The following EFCAB8 variants were observed in gnomAD, a reference collection of about 807,000 sequenced individuals.
EFCAB8 encodes EF-hand calcium-binding domain-containing protein 8.
Under a neutral mutation model 116.3 loss-of-function variants are expected in EFCAB8, and 100 were observed. That is an observed-to-expected ratio of 0.86 (90% CI 0.73 to 1.02). The LOEUF is 1.02. EFCAB8 is among the 50% of genes least tolerant of loss of function. The probability of loss-of-function intolerance (pLI) is 0.00; values close to 1 mark genes in which losing one functional copy is unlikely to be tolerated. For synonymous variants in EFCAB8, 558 were observed against 567.9 expected, an observed-to-expected ratio of 0.98 and a Z score of 0.25; for missense variants, 1,320 against 1,416.9, an observed-to-expected ratio of 0.93 and a Z score of 1.10.
chr20:32,868,619 G>A (rs1568897543), intron 3 of EFCAB8, among the ~76,000 whole-genome samples: 1 of 152,204 alleles, frequency 6.6e-6, no homozygotes, highest in Non-Finnish European at 1.5e-5. Flanking sequence ...TCACCTCACA[G>A]TTCTGGTGGG....
chr20:32,937,846 C>T (rs968870879), intron 22 of EFCAB8, among the ~76,000 whole-genome samples: 4 of 149,298 alleles, frequency 2.7e-5, no homozygotes, highest in Non-Finnish European at 5.9e-5. Flanking sequence ...CTCGAACTCC[C>T]AACCTCGTGA....
At chr20:32,868,362 C>G (rs557389964) in intron 3 of EFCAB8, among the ~76,000 whole-genome samples, 87 of 152,320 alleles carry the variant, frequency 5.7e-4, no homozygotes, top group African/African-American at 2.0e-3. Flanking sequence ...TGTGCCCAAC[C>G]CTGATCAGCA....
intron 20 of EFCAB8, among the ~76,000 whole-genome samples, chr20:32,926,523 A>G (rs1454592647): frequency 1.1e-5 from 1 of 90,246 alleles, no homozygotes; most frequent in Non-Finnish European, 2.3e-5. Flanking sequence ...TTTTTTTTTT[A>G]TTATACTTTA....
rs1039663049 is a variant in EFCAB8, at chr20:32,864,096, C to T, written c.42+262C>T. ...GGTTCAAGCAATTCTCTTGCCTCAG[C>T]CTCCTGAGTAGCTAGGATTACAGGC... On this transcript the variant is annotated intron_variant, in intron 2 of 26. Coordinates refer to ENST00000400522, the MANE Select transcript of EFCAB8 (RefSeq NM_001143967.2). Among the ~76,000 whole-genome samples the T allele has an allele frequency of 5.9e-5, 9 of 152,094 alleles. No individual in the cohort carries two copies. The East Asian group carries it at 1.8e-3, about 30-fold the overall frequency.
intron 24 of EFCAB8, 29 bp from the exon 25 acceptor site, chr20:32,959,749 C>A (rs1459874831): frequency 2.8e-6 from 4 of 1,436,006 alleles, no homozygotes; most frequent in Non-Finnish European, 3.7e-6. Flanking sequence ...AGTGGGGGGA[C>A]ATCTTGTGAA....
At position 32,860,493 on chromosome 20, in the gene EFCAB8, C is replaced by CTTTTTT. The variant is rs71190881; in HGVS notation, c.-11+1513_-11+1518dup. On this transcript the variant is annotated intron_variant, in intron 1 of 26. Transcript: ENST00000400522. ...TTTGTTCCATCGCTGATGGTGGTAA[C>CTTTTTT]TTTTTTTTTTTTTTTTTTTTTTTTT... Among the ~76,000 whole-genome samples, 131 of 83,984 alleles carry CTTTTTT rather than the reference C, an allele frequency of 1.6e-3. 16 individuals carry two copies. The highest frequency in any genetic ancestry group is 8.2e-3 in the African/African-American group (105 of 12,794). The allele number at this position is 83,984 out of a possible 152,430, so 55.1% of individuals were successfully genotyped here. A position where few individuals can be genotyped will look rare whatever the true frequency, so the allele number is the denominator to read the frequency against.
At chr20:32,903,671 C>T (rs890728357) in intron 11 of EFCAB8, 9 of 152,362 alleles carry the variant, frequency 5.9e-5, no homozygotes, top group African/African-American at 1.9e-4. Flanking sequence ...TGTGTACTGC[C>T]ATCTGTTCTC....
chr20:32,920,070 C>T lies in EFCAB8; in HGVS notation c.2275-8C>T, dbSNP rs1329753049. The T allele has an allele frequency of 6.4e-7, 1 of 1,551,730 alleles. No individual in the cohort carries two copies. The highest frequency in any genetic ancestry group is 8.7e-7 in the Non-Finnish European group (1 of 1,147,000). The stretch of plus-strand genomic sequence containing the variant: ...CATGGTGACTTGGGTGCCCATCTTT[C>T]TTTCCAGAAACCTTCCAGTGCTTCT... On this transcript the variant is annotated splice_polypyrimidine_tract_variant and splice_region_variant and intron_variant, in intron 19 of 26. Transcript: ENST00000400522.
At chr20:32,935,643 A>G (rs185747485) in intron 22 of EFCAB8, among the ~76,000 whole-genome samples, 73 of 152,174 alleles carry the variant, frequency 4.8e-4, no homozygotes, top group African/African-American at 1.6e-3. Context: ...AGTAGGTGGG[A>G]TTACAGGCAT....
chr20:32,894,938 C>A (rs1392390577), intron 9 of EFCAB8, among the ~76,000 whole-genome samples: 1 of 152,260 alleles, frequency 6.6e-6, no homozygotes, highest in Non-Finnish European at 1.5e-5. Context: ...TTCCACCCCT[C>A]CCTGGGACTT....
intron 4 of EFCAB8, among the ~76,000 whole-genome samples, chr20:32,876,846 T>A (rs1385545267): frequency 6.6e-6 from 1 of 152,116 alleles, no homozygotes; most frequent in Non-Finnish European, 1.5e-5. Flanking sequence ...TGCACGCCTA[T>A]AGTCCCAGCT....
At chr20:32,961,080 G>A in intron 26 of EFCAB8, 56 bp from the exon 27 acceptor site, 1 of 1,454,770 alleles carries the variant, frequency 6.9e-7, no homozygotes, top group Non-Finnish European at 9.4e-7. Flanking sequence ...CTTGATCCTG[G>A]GTGTCCCCGG....
At chr20:32,869,425 G>A (rs540185796) in intron 3 of EFCAB8, among the ~76,000 whole-genome samples, 284 of 152,180 alleles carry the variant, frequency 1.9e-3, no homozygotes, top group African/African-American at 6.6e-3. Flanking sequence ...TAGTAGAGAC[G>A]GGGTTTCTCC....
At chr20:32,938,134 C>G (rs1988194044) in intron 22 of EFCAB8, among the ~76,000 whole-genome samples, 1 of 149,510 alleles carries the variant, frequency 6.7e-6, no homozygotes, top group Admixed American at 6.6e-5. Context: ...AAGATTTATC[C>G]CAGGAATGCA....
intron 22 of EFCAB8, among the ~76,000 whole-genome samples, chr20:32,940,796 G>A (rs1233429725): frequency 1.3e-5 from 2 of 149,856 alleles, no homozygotes; most frequent in Admixed American, 6.6e-5. Flanking sequence ...TGTACAAATG[G>A]CTAATAAGTA....
intron 7 of EFCAB8, among the ~76,000 whole-genome samples, 168 bp downstream of exon 7, chr20:32,889,574 A>G (rs1439778873): frequency 6.6e-6 from 1 of 152,136 alleles, no homozygotes; most frequent in Non-Finnish European, 1.5e-5. Flanking sequence ...TGGTCGGTGA[A>G]TGCTCGAATG....
At chr20:32,916,629 A>G (rs895223143) in intron 17 of EFCAB8, among the ~76,000 whole-genome samples, 1 of 152,112 alleles carries the variant, frequency 6.6e-6, no homozygotes, top group East Asian at 1.9e-4. Context: ...TAACCTTCCA[A>G]AGGCCACACC....
intron 6 of EFCAB8, among the ~76,000 whole-genome samples, chr20:32,888,318 C>T (rs186213516): frequency 2.0e-5 from 3 of 152,064 alleles, no homozygotes; most frequent in African/African-American, 4.8e-5. Context: ...CTCTGCCTCC[C>T]GGGTTCAGGT....
intron 3 of EFCAB8, among the ~76,000 whole-genome samples, chr20:32,872,163 T>A (rs1984712891): frequency 6.6e-6 from 1 of 152,160 alleles, no homozygotes; most frequent in Non-Finnish European, 1.5e-5. Context: ...GGGTGTTGTA[T>A]AAGGAGAATA....
Sources: allele counts gnomAD v4.1 joint callset (sites outside exome capture counted in the v4.1 genomes callset), GRCh38; gene constraint gnomAD v4.1.1; transcripts MANE v1.5; gene names NCBI Gene and HGNC (gene_info 2026-07-23, HGNC 2026-07-21).